STK36: variants seen among roughly 807,000 people sequenced by gnomAD.
STK36 encodes the protein serine/threonine kinase 36.
In STK36, 116 loss-of-function variants were observed where a neutral mutation model predicts 142.2. The ratio of observed to expected loss-of-function variants is 0.82; its 90% CI spans 0.70 to 0.95. STK36 has a LOEUF of 0.95. STK36 is among the 40% of genes least tolerant of loss of function. The probability of loss-of-function intolerance (pLI) is 0.00; values close to 1 mark genes in which losing one functional copy is unlikely to be tolerated. For synonymous variants in STK36, 619 were observed against 641.7 expected, an observed-to-expected ratio of 0.96 and a Z score of 0.53; for missense variants, 1,422 against 1,617.2, an observed-to-expected ratio of 0.88 and a Z score of 2.07.
chr2:218,673,028 C>T (rs772186950), intron 2 of STK36, 115 bp downstream of exon 2: 6 of 893,712 alleles, frequency 6.7e-6, no homozygotes, highest in Non-Finnish European at 1.1e-5. Flanking sequence ...GTACTGACTC[C>T]CTCATACTTC....
chr2:218,700,895 C>T lies in STK36; in HGVS notation c.3805-971C>T, dbSNP rs545553755. Among the ~76,000 whole-genome samples, 9 of 150,766 alleles carry T rather than the reference C, an allele frequency of 6.0e-5. No homozygotes were observed. In the South Asian group the frequency reaches 1.7e-3, roughly 28 times the overall value. On this transcript the variant is annotated intron_variant, in intron 26 of 26. Transcript: ENST00000295709. ...GGTGTGGTGGCAGGCGCCTGTAATC[C>T]CAGCTTCTCGGGAGGCTAAGGCAAG...
chr2:218,692,178 C>G lies in STK36; in HGVS notation c.1800C>G (p.Asn600Lys), dbSNP rs778449741. The G allele has an allele frequency of 9.3e-6, 15 of 1,614,084 alleles. No homozygotes were observed. In the South Asian group the frequency reaches 1.6e-4, roughly 18 times the overall value. ...TCCTGTGCGAAGCCATGGATGGGAA[C>G]AGCCGGGCCATCTCCAAAGCCTTTT... is the stretch of plus-strand genomic sequence containing the variant. ...FTVLCEAMDG[N>K]SRAISKAFYS... Residue 600 changes from asparagine (N) to lysine (K), a missense_variant, in exon 15 of 27, where the codon AAC (asparagine) becomes AAG (lysine). Asn to Lys is a moderately conservative substitution (Grantham distance 94). Around this residue, in one of 2 missense-constraint regions of STK36, gnomAD observed 962 missense variants for 1,167.5 expected, o/e 0.82. Coordinates refer to ENST00000295709, the MANE Select transcript of STK36 (RefSeq NM_015690.5).
In STK36 at chr2:218,675,440, C is replaced by T; in HGVS notation, c.401C>T (p.Ala134Val). The change falls in exon 5 of 27, where the codon GCC becomes GTC. Residue 134 changes from alanine to valine, a missense_variant. This residue lies in a region of STK36 where 460 missense variants were observed against 449.6 expected (regional missense o/e 1.02). Transcript: ENST00000295709. ...RDMKPQNILL[A>V]KGGGIKLCDF... is the part of the protein sequence containing the mutation. ...ATGAAGCCTCAGAACATCCTCCTCGCCAAGGGTGGTGGCATCAAGCTCTGT... is the reference window on the plus strand; with the variant it reads ...ATGAAGCCTCAGAACATCCTCCTCGTCAAGGGTGGTGGCATCAAGCTCTGT... 6.2e-7 allele frequency: 1 copy of T among 1,613,586 alleles called. No homozygotes were observed. The highest frequency in any genetic ancestry group is 1.7e-4 in the Middle Eastern group (1 of 6,060).
In STK36 at chr2:218,680,075, A is replaced by G. The variant is rs1208556383; in HGVS notation, c.1131A>G (p.Ala377=). The G allele has an allele frequency of 6.2e-7, 1 of 1,613,982 alleles. No homozygotes were observed. The highest frequency in any genetic ancestry group is 1.7e-4 in the Middle Eastern group (1 of 6,034). The change falls in exon 9 of 27, where the codon GCA becomes GCG. Residue 377 remains alanine (A), a synonymous_variant. Coordinates refer to ENST00000295709, the MANE Select transcript of STK36 (RefSeq NM_015690.5). The part of the protein sequence containing the change: ...AKSGTGEVPS[A]PRENRTTPDC... ...CAGGGACTGGAGAGGTGCCCTCTGC[A>G]CCTCGGTGAGAAGGGTATAGTTAGG...
At chr2:218,688,638 T>C in intron 11 of STK36, 59 bp from the exon 12 acceptor site, 1 of 1,564,230 alleles carries the variant, frequency 6.4e-7, no homozygotes, top group East Asian at 2.3e-5. Context: ...GTATGTGTAG[T>C]TCTCCTTCTT....
At position 218,689,960 on chromosome 2, in the gene STK36, G is replaced by A. The variant is rs372925106; in HGVS notation, c.1658+4G>A. The A allele has an allele frequency of 2.5e-5, 40 of 1,578,528 alleles. No individual in the cohort carries two copies. In the African/African-American group the frequency reaches 4.2e-4, roughly 16 times the overall value. ...AGAGGAGCCAGACAAGTGACAGGTA[G>A]GATAAGAAGTGCTTTTGCATTGTTG... On this transcript the variant is annotated splice_donor_region_variant and intron_variant, in intron 13 of 26. Coordinates refer to ENST00000295709, the MANE Select transcript of STK36 (RefSeq NM_015690.5).
At chr2:218,696,323 A>G (rs1941231591) in intron 21 of STK36, among the ~76,000 whole-genome samples, 1 of 152,206 alleles carries the variant, frequency 6.6e-6, no homozygotes, top group African/African-American at 2.4e-5. Context: ...CAGAAGTCTA[A>G]GTCAGAACTT....
chr2:218,678,568 A>G (rs919306388), intron 6 of STK36, among the ~76,000 whole-genome samples: 12 of 152,180 alleles, frequency 7.9e-5, no homozygotes, highest in Admixed American at 2.0e-4. Context: ...CTCTGTTCCT[A>G]TTTGAGGCCC....
At chr2:218,675,814 G>C (rs1940216524) in intron 5 of STK36, among the ~76,000 whole-genome samples, 2 of 152,094 alleles carry the variant, frequency 1.3e-5, no homozygotes, top group Admixed American at 1.3e-4. Context: ...ATGAGCCACT[G>C]AGCCTGGCCC....
intron 10 of STK36, among the ~76,000 whole-genome samples, chr2:218,681,285 C>A (rs1416279524): frequency 6.6e-6 from 1 of 152,042 alleles, no homozygotes; most frequent in South Asian, 2.1e-4. Flanking sequence ...CACCACCACA[C>A]GTGGCTAATT....
chr2:218,680,223 T>C (rs1339054701), intron 9 of STK36, 143 bp downstream of exon 9: 2 of 767,846 alleles, frequency 2.6e-6, no homozygotes, highest in Non-Finnish European at 4.1e-6. Context: ...CCTGGATTCT[T>C]GGATTCTAAT....
rs1341669460 is a variant in STK36, at chr2:218,698,713, G to A, written c.3169G>A (p.Ala1057Thr). Residue 1057 changes from alanine (A) to threonine (T), a missense_variant, in exon 26 of 27, where the codon GCC (alanine) becomes ACC (threonine). Around this residue, in one of 2 missense-constraint regions of STK36, gnomAD observed 962 missense variants for 1,167.5 expected, o/e 0.82. Transcript: ENST00000295709. ...SLNQFVNTVS[A>T]SPRTIVSFLS... ...CAACCAGTTTGTGAACACAGTGTCT[G>A]CCTCCCCTAGAACCATCGTCTCGTT... 2 of 1,614,052 alleles carry A rather than the reference G, an allele frequency of 1.2e-6. No individual in the cohort carries two copies. Among genetic ancestry groups the A allele is most frequent in the Non-Finnish European group, 8.5e-7 (1 of 1,180,050 alleles).
chr2:218,697,378 A>G, intron 23 of STK36, 85 bp from the exon 24 acceptor site: 2 of 1,558,318 alleles, frequency 1.3e-6, no homozygotes, highest in East Asian at 2.3e-5. Flanking sequence ...GGGACTGAAT[A>G]GGTGTAGCCC....
In STK36 at chr2:218,694,344, C is replaced by T. The variant is rs755675951; in HGVS notation, c.2400+17C>T. On this transcript the variant is annotated intron_variant, in intron 20 of 26. Coordinates refer to ENST00000295709, the MANE Select transcript of STK36 (RefSeq NM_015690.5). This position sits in a 1 kb window ranked among gnomAD's most constrained non-coding sequence, Gnocchi z 4.4. ...TCTCTTGTGGTAAGTTTTTAACCTT[C>T]ACCCTCCTCCCCTTTTCACCCTAGC... 8.1e-6 allele frequency: 13 copies of T among 1,610,302 alleles called. No individual in the cohort carries two copies. In the South Asian group the frequency reaches 1.2e-4, roughly 15 times the overall value.
intron 14 of STK36, 86 bp from the exon 15 acceptor site, chr2:218,692,057 C>T (rs534290290): frequency 2.4e-5 from 36 of 1,513,538 alleles, no homozygotes; most frequent in African/African-American, 1.8e-4. Context: ...TGTCCTCTTT[C>T]CTCAGATCCT....
In STK36 at chr2:218,699,340, A is replaced by G. The variant is rs779257482; in HGVS notation, c.3796A>G (p.Ile1266Val). ...CCGGAGCCTGCAACAGGAGCCTGGCATCCATCAGGTATACCCTACAGCACT... is the reference window on the plus strand; with the variant it reads ...CCGGAGCCTGCAACAGGAGCCTGGCGTCCATCAGGTATACCCTACAGCACT... ...ALRSLQQEPG[I>V]HQVLVSLGAS... The change falls in exon 26 of 27, where the codon ATC becomes GTC. Residue 1266 changes from isoleucine (I) to valine (V), a missense_variant. Ile to Val is a conservative substitution (Grantham distance 29, BLOSUM62 3). Transcript: ENST00000295709. 1.9e-6 allele frequency: 3 copies of G among 1,613,624 alleles called. No individual in the cohort carries two copies. The Admixed American group carries it at 5.0e-5, about 27-fold the overall frequency.
At chr2:218,672,608 G>C in intron 1 of STK36, 133 bp from the exon 2 acceptor site, 1 of 510,146 alleles carries the variant, frequency 2.0e-6, no homozygotes, top group South Asian at 2.2e-5. Flanking sequence ...GAACTACAAA[G>C]AGAAGCTCTG....
At chr2:218,674,625 A>G (rs569514120) in intron 4 of STK36, among the ~76,000 whole-genome samples, 1 of 152,342 alleles carries the variant, frequency 6.6e-6, no homozygotes, top group African/African-American at 2.4e-5. Flanking sequence ...TTTTTGAGAC[A>G]GAGTCTCGCT....
chr2:218,672,168 G>A lies in STK36; in HGVS notation c.-137G>A. The A allele has an allele frequency of 1.6e-6, 1 of 625,094 alleles. No homozygotes were observed. The highest frequency in any genetic ancestry group is 2.8e-6 in the Non-Finnish European group (1 of 353,984). 38.7% of individuals were successfully genotyped at this position (625,094 alleles called of 1,614,324 possible). A position where few individuals can be genotyped will look rare whatever the true frequency, so the allele number is the denominator to read the frequency against. ...GGTCCGCCGTCCATTCCACACCTCT[G>A]AGCGCCTTTGTCCTCTGAACTTCTC... On this transcript the variant is annotated 5_prime_UTR_variant, in exon 1 of 27. The change abolishes the stop of an existing upstream ORF in the 5' untranslated region. Coordinates refer to ENST00000295709, the MANE Select transcript of STK36 (RefSeq NM_015690.5).
Sources: gnomAD v4.1 joint callset for allele counts (sites outside exome capture counted in the v4.1 genomes callset) on GRCh38, gnomAD v4.1.1 for gene constraint, gnomAD v4.1.1 regional missense constraint, Gnocchi (gnomAD v3.1) non-coding constraint, MANE v1.5 for transcripts, NCBI Gene and HGNC (gene_info 2026-07-23, HGNC 2026-07-21) for gene names.